STK32C: variants seen among roughly 807,000 people sequenced by gnomAD.
The protein encoded by STK32C is serine/threonine kinase 32C.
STK32C carries 31 observed loss-of-function variants against 56.5 expected under a neutral mutation model. The observed-to-expected ratio is 0.55, with a 90% CI of 0.41 to 0.74. The LOEUF (loss-of-function observed/expected upper bound fraction) is 0.74, where lower values mean the gene tolerates loss of function less well. Among genes scored for constraint, STK32C ranks in the 30% least tolerant of loss-of-function variants. The pLI is 0.00. For synonymous variants in STK32C, 309 were observed against 289.4 expected, an observed-to-expected ratio of 1.07 and a Z score of -0.69; for missense variants, 544 against 676.9, an observed-to-expected ratio of 0.80 and a Z score of 2.18.
chr10:132,251,610 C>G (rs1418483436), intron 1 of STK32C, among the ~76,000 whole-genome samples: 1 of 152,110 alleles, frequency 6.6e-6, no homozygotes, highest in Non-Finnish European at 1.5e-5. Flanking sequence ...GTGCCCACCT[C>G]AGATCGACTC....
At chr10:132,331,882 C>T, upstream of STK32C, 2 of 1,045,006 alleles carry the variant, frequency 1.9e-6, no homozygotes, top group Non-Finnish European at 1.4e-6. Context: ...CGCAGGCGCA[C>T]CACCCCCTGC....
chr10:132,320,336 C>T (rs1236673363), downstream of STK32C, among the ~76,000 whole-genome samples: 1 of 151,972 alleles, frequency 6.6e-6, no homozygotes, highest in African/African-American at 2.4e-5. Context: ...GGGGAAGAGT[C>T]TAGCGTGACC....
exon 1 of STK32C, chr10:132,331,471 G>A (rs1442186715): frequency 3.7e-6 from 6 of 1,612,756 alleles, no homozygotes; most frequent in East Asian, 4.5e-5. Flanking sequence ...TCCGTCCAGA[G>A]GCAGCCTTAC....
intron 1 of STK32C, among the ~76,000 whole-genome samples, chr10:132,291,133 A>G (rs2065551035): frequency 6.6e-6 from 1 of 152,232 alleles, no homozygotes; most frequent in Non-Finnish European, 1.5e-5. Flanking sequence ...CGGAGGGCAA[A>G]TGTAATTAAT....
intron 1 of STK32C, among the ~76,000 whole-genome samples, chr10:132,259,967 G>A (rs1053396954): frequency 4.6e-5 from 7 of 152,162 alleles, no homozygotes; most frequent in African/African-American, 1.7e-4. Context: ...TCCTGTTATG[G>A]GTGAGTGTTC....
chr10:132,331,939 C>CTCT (rs2066783170), upstream of STK32C: 1 of 589,904 alleles, frequency 1.7e-6, no homozygotes, highest in Non-Finnish European at 2.8e-6. Context: ...AAGCGCAACC[C>CTCT]CCCGCCCCAG....
intron 7 of STK32C, 46 bp downstream of exon 7, chr10:132,225,187 A>G (rs2062842131): frequency 6.7e-7 from 1 of 1,498,864 alleles, no homozygotes; most frequent in African/African-American, 1.4e-5. Context: ...GGGGGCAGAG[A>G]GCAGGGGCCT....
At chr10:132,269,209 G>A in intron 1 of STK32C, among the ~76,000 whole-genome samples, 1 of 150,526 alleles carries the variant, frequency 6.6e-6, no homozygotes, top group East Asian at 1.9e-4. Flanking sequence ...GCATGCATGT[G>A]CCTGTGGGTG....
intron 1 of STK32C, among the ~76,000 whole-genome samples, chr10:132,275,498 G>C (rs1590358125): frequency 6.6e-6 from 1 of 152,186 alleles, no homozygotes; most frequent in African/African-American, 2.4e-5. Context: ...CAATAAGAGA[G>C]CCCAGGACAT....
chr10:132,237,642 TGTGCCGGCGGGGCTGGCCCCGGTGCAGC>T (rs1565094636), intron 2 of STK32C, among the ~76,000 whole-genome samples: 1 of 152,186 alleles, frequency 6.6e-6, no homozygotes, highest in Admixed American at 6.5e-5. Flanking sequence ...GGAACCTGAG[TGTGCCGGCGGGGCTGGCCCCGGTGCAGC>T]TCCATCCCTC....
In STK32C at chr10:132,207,929, C is replaced by G. The variant is rs2062149430; in HGVS notation, c.*81G>C. 2 of 1,247,250 alleles carry G rather than the reference C, an allele frequency of 1.6e-6. No individual in the cohort carries two copies. Among genetic ancestry groups the G allele is most frequent in the Non-Finnish European group, 2.0e-6 (2 of 989,280 alleles). 77.3% of individuals were successfully genotyped at this position (1,247,250 alleles called of 1,614,324 possible). A position where few individuals can be genotyped will look rare whatever the true frequency, so the allele number is the denominator to read the frequency against. ...GCCAGGCTGGGTGGGAACGTGAATG[C>G]CAGGCCTCGGCCCATGGCCCTCCCT... On this transcript the variant is annotated 3_prime_UTR_variant, in exon 12 of 12. Coordinates refer to ENST00000298630, the MANE Select transcript of STK32C (RefSeq NM_173575.4).
intron 1 of STK32C, among the ~76,000 whole-genome samples, chr10:132,286,849 G>A (rs922585339): frequency 6.6e-6 from 1 of 152,204 alleles, no homozygotes; most frequent in Non-Finnish European, 1.5e-5. Context: ...AAAACAGCAA[G>A]GATGTCTGCT....
At chr10:132,240,728 G>A (rs1565097961) in intron 2 of STK32C, among the ~76,000 whole-genome samples, 1 of 152,086 alleles carries the variant, frequency 6.6e-6, no homozygotes, top group Non-Finnish European at 1.5e-5. Flanking sequence ...GGGATGGCCT[G>A]GGGTGAGGGG....
At chr10:132,243,286 G>A (rs2063568300) in intron 2 of STK32C, among the ~76,000 whole-genome samples, 1 of 152,238 alleles carries the variant, frequency 6.6e-6, no homozygotes, top group Non-Finnish European at 1.5e-5. Context: ...AGGCAGCGCT[G>A]GGGAGGTGGC....
At chr10:132,293,650 A>G (rs1480441434) in intron 1 of STK32C, among the ~76,000 whole-genome samples, 1 of 152,208 alleles carries the variant, frequency 6.6e-6, no homozygotes, top group Non-Finnish European at 1.5e-5. Context: ...GGCCGGCTAC[A>G]GCAGAGGGAA....
In STK32C at chr10:132,225,555, C is replaced by T. The variant is rs542543261; in HGVS notation, c.744G>A (p.Thr248=). The T allele has an allele frequency of 1.5e-5, 24 of 1,613,864 alleles. No homozygotes were observed. In the South Asian group the frequency reaches 1.6e-4, roughly 11 times the overall value. ...TGTACGGCTTGGTGCCTGCTAATGC[C>T]GTCGCCCGCTCCCCGTCCTTGATGA... ...ATIIKDGERA[T]ALAGTKPYMA... The change falls in exon 6 of 12, where the codon ACG becomes ACA. Residue 248 remains threonine, a synonymous_variant. Coordinates refer to ENST00000298630, the MANE Select transcript of STK32C (RefSeq NM_173575.4).
intron 1 of STK32C, among the ~76,000 whole-genome samples, chr10:132,264,353 G>A (rs2064419879): frequency 6.6e-6 from 1 of 152,244 alleles, no homozygotes; most frequent in Admixed American, 6.5e-5. Flanking sequence ...CCATGTGGAT[G>A]CCATCACATG....
At position 132,225,792 on chromosome 10, in the gene STK32C, G is replaced by C. The variant is rs745602506; in HGVS notation, c.645-8C>G. ...TTGTCAGGCTTGACATCTCTAGAAA[G>C]AGCAGAAAGTGGGAAGGTGAGTTGG... On this transcript the variant is annotated splice_polypyrimidine_tract_variant and splice_region_variant and intron_variant, in intron 4 of 11. Coordinates refer to ENST00000298630, the MANE Select transcript of STK32C (RefSeq NM_173575.4). 1 of 1,613,908 alleles carries C rather than the reference G, an allele frequency of 6.2e-7. No homozygotes were observed. The highest frequency in any genetic ancestry group is 8.5e-7 in the Non-Finnish European group (1 of 1,180,016).
In STK32C at chr10:132,228,072, G is replaced by A. The variant is rs768199563; in HGVS notation, c.375C>T (p.Asn125=). The change falls in exon 3 of 12, where the codon AAC becomes AAT. Residue 125 remains asparagine (N), a synonymous_variant. Coordinates refer to ENST00000298630, the MANE Select transcript of STK32C (RefSeq NM_173575.4). ...CGTCGCGCTCGATGCACTGCTGCTT[G>A]TTCATGTACTTCATGGCGTACATCT... ...TEKMYAMKYM[N]KQQCIERDEV... is the part of the protein sequence containing the mutation. 6.2e-7 allele frequency: 1 copy of A among 1,613,960 alleles called. No homozygotes were observed. Among genetic ancestry groups the A allele is most frequent in the African/African-American group, 1.3e-5 (1 of 74,930 alleles).
Sources: allele counts gnomAD v4.1 joint callset (sites outside exome capture counted in the v4.1 genomes callset), GRCh38; gene constraint gnomAD v4.1.1; transcripts MANE v1.5; gene names NCBI Gene and HGNC (gene_info 2026-07-23, HGNC 2026-07-21).